The following NTNG1 variants were observed in gnomAD, a reference collection of about 807,000 sequenced individuals.
The protein encoded by NTNG1 is netrin-G1.
In NTNG1, 16 loss-of-function variants were observed where a neutral mutation model predicts 54.0. The observed-to-expected ratio is 0.30, with a 90% CI of 0.20 to 0.45. The LOEUF (loss-of-function observed/expected upper bound fraction) is 0.45. Ranked by LOEUF, NTNG1 falls within the 20% of genes least tolerant of loss-of-function variation. The pLI is 1.00. For missense variants in NTNG1, 530 were observed against 678.7 expected, an observed-to-expected ratio of 0.78 and a Z score of 2.43; for synonymous variants, 255 against 263.1, an observed-to-expected ratio of 0.97 and a Z score of 0.30.
intron 3 of NTNG1, among the ~76,000 whole-genome samples, chr1:107,352,108 G>A (rs535240405): frequency 6.6e-5 from 10 of 152,344 alleles, no homozygotes; most frequent in African/African-American, 2.4e-4. Context: ...GCTTTCATGG[G>A]TTGGCGTTGA....
At chr1:107,395,728 T>C (rs1672643520) in intron 4 of NTNG1, among the ~76,000 whole-genome samples, 2 of 152,176 alleles carry the variant, frequency 1.3e-5, no homozygotes, top group African/African-American at 4.8e-5. Context: ...CAGCCCCATT[T>C]CCCCTACTGA....
At chr1:107,203,879 A>T (rs1227456624) in intron 2 of NTNG1, among the ~76,000 whole-genome samples, 1 of 151,902 alleles carries the variant, frequency 6.6e-6, no homozygotes, top group Non-Finnish European at 1.5e-5. Flanking sequence ...TGAATTTATC[A>T]ATACTACATT....
intron 2 of NTNG1, among the ~76,000 whole-genome samples, chr1:107,282,194 T>G (rs1173859381): frequency 6.6e-6 from 1 of 152,160 alleles, no homozygotes; most frequent in Non-Finnish European, 1.5e-5. Flanking sequence ...CATAAACCAC[T>G]TTGGTTTGTT....
At chr1:107,384,847 A>C (rs1671865871) in intron 3 of NTNG1, among the ~76,000 whole-genome samples, 1 of 152,242 alleles carries the variant, frequency 6.6e-6, no homozygotes, top group African/African-American at 2.4e-5. Flanking sequence ...GCTTTCAAAA[A>C]ATTATAAGAA....
chr1:107,369,241 A>G (rs7523259), intron 3 of NTNG1, among the ~76,000 whole-genome samples: 148,846 of 152,298 alleles, frequency 0.98, 72,829 homozygotes, highest in Middle Eastern at 1. Context: ...ATGGGCATAT[A>G]TTTTCTTTGA....
intron 5 of NTNG1, among the ~76,000 whole-genome samples, chr1:107,419,201 CCT>C (rs1214563888): frequency 6.6e-6 from 1 of 151,016 alleles, no homozygotes; most frequent in Non-Finnish European, 1.5e-5. Flanking sequence ...TTTCTCACTC[CCT>C]GTCTCCTCTC....
rs542826910 is a variant in NTNG1, at chr1:107,332,846, T to G, written c.887+7924T>G. On this transcript the variant is annotated intron_variant, in intron 3 of 7. Coordinates refer to ENST00000370068, the MANE Select transcript of NTNG1 (RefSeq NM_001113226.3). ...TTTAACCAGAAATGACTGCACTGCA[T>G]AAAAACTCATGGTTACTATTTCTAC... Among the ~76,000 whole-genome samples the G allele has an allele frequency of 2.6e-5, 4 of 152,164 alleles. No individual in the cohort carries two copies. In the South Asian group the frequency reaches 8.3e-4, roughly 32 times the overall value.
intron 2 of NTNG1, among the ~76,000 whole-genome samples, chr1:107,198,662 A>G (rs1658514517): frequency 6.6e-6 from 1 of 151,936 alleles, no homozygotes; most frequent in South Asian, 2.1e-4. Flanking sequence ...TCTAGATTCT[A>G]GCAAGTTTCT....
intron 5 of NTNG1, among the ~76,000 whole-genome samples, chr1:107,412,337 C>T (rs1673874021): frequency 6.6e-6 from 1 of 152,126 alleles, no homozygotes; most frequent in Non-Finnish European, 1.5e-5. Context: ...CATGCCACTG[C>T]CTAGGAAAAG....
intron 3 of NTNG1, among the ~76,000 whole-genome samples, chr1:107,382,657 A>G (rs1156240938): frequency 6.6e-6 from 1 of 152,122 alleles, no homozygotes; most frequent in Non-Finnish European, 1.5e-5. Context: ...TCTTTGCTTT[A>G]AAACCTTTGT....
intron 2 of NTNG1, among the ~76,000 whole-genome samples, chr1:107,194,861 T>C (rs1477011353): frequency 6.6e-6 from 1 of 151,984 alleles, no homozygotes; most frequent in Non-Finnish European, 1.5e-5. Flanking sequence ...TCAACTAGAA[T>C]ATGGATTACA....
chr1:107,168,646 C>G (rs1655990239), intron 2 of NTNG1, among the ~76,000 whole-genome samples: 1 of 152,052 alleles, frequency 6.6e-6, no homozygotes, highest in African/African-American at 2.4e-5. Context: ...CCTGGATAAA[C>G]ATAGGAATAA....
intron 2 of NTNG1, among the ~76,000 whole-genome samples, chr1:107,259,686 C>T (rs574854694): frequency 5.9e-5 from 9 of 152,246 alleles, no homozygotes; most frequent in South Asian, 2.1e-4. Context: ...GTTCCTCCCC[C>T]GCAAGATAAA....
intron 7 of NTNG1, among the ~76,000 whole-genome samples, chr1:107,450,678 T>C (rs918681226): frequency 2.6e-5 from 4 of 152,130 alleles, no homozygotes; most frequent in Non-Finnish European, 5.9e-5. Flanking sequence ...TAAACGTGAA[T>C]TTTAAGTTAA....
intron 3 of NTNG1, among the ~76,000 whole-genome samples, chr1:107,332,394 A>G (rs1253071924): frequency 6.6e-6 from 1 of 152,128 alleles, no homozygotes; most frequent in African/African-American, 2.4e-5. Flanking sequence ...CACAAAATGG[A>G]TAAATAAAAT....
At chr1:107,142,337 T>G (rs1409482270) in intron 1 of NTNG1, among the ~76,000 whole-genome samples, 2 of 151,774 alleles carry the variant, frequency 1.3e-5, no homozygotes. Context: ...GAAATCCACT[T>G]AAGAGTAGGC....
At chr1:107,443,475 G>A (rs140286025) in intron 7 of NTNG1, among the ~76,000 whole-genome samples, 34 of 152,126 alleles carry the variant, frequency 2.2e-4, no homozygotes, top group African/African-American at 8.2e-4. Context: ...TTAAGATGAT[G>A]CTTCCAATTG....
At chr1:107,461,232 A>G (rs2101541087) in intron 7 of NTNG1, among the ~76,000 whole-genome samples, 1 of 152,354 alleles carries the variant, frequency 6.6e-6, no homozygotes, top group African/African-American at 2.4e-5. Flanking sequence ...GGCAAAGACC[A>G]CTGTAGACTG....
chr1:107,233,944 C>G (rs756336789), intron 2 of NTNG1, among the ~76,000 whole-genome samples: 1 of 152,100 alleles, frequency 6.6e-6, no homozygotes, highest in Non-Finnish European at 1.5e-5. Flanking sequence ...TGCATTAGAT[C>G]GAGGGGCGGA....
Sources: allele counts gnomAD v4.1 joint callset (sites outside exome capture counted in the v4.1 genomes callset), GRCh38; gene constraint gnomAD v4.1.1; transcripts MANE v1.5; gene names NCBI Gene and HGNC (gene_info 2026-07-23, HGNC 2026-07-21).